ITFG1: variants seen among roughly 807,000 people sequenced by gnomAD.
ITFG1 encodes the protein integrin alpha FG-GAP repeat containing 1, also known as T-cell immunomodulatory protein.
In ITFG1, 34 loss-of-function variants were observed where a neutral mutation model predicts 81.8. That is an observed-to-expected ratio of 0.42 (90% confidence interval 0.32 to 0.55). The LOEUF (loss-of-function observed/expected upper bound fraction) is 0.55, where lower values mean the gene tolerates loss of function less well. Among genes scored for constraint, ITFG1 ranks in the 20% least tolerant of loss-of-function variants. The pLI, the probability that ITFG1 is intolerant of heterozygous loss-of-function variation, is 0.17. For missense variants in ITFG1, 672 were observed against 755.4 expected, an observed-to-expected ratio of 0.89 and a Z score of 1.29; for synonymous variants, 285 against 270.6, an observed-to-expected ratio of 1.05 and a Z score of -0.52.
intron 8 of ITFG1, among the ~76,000 whole-genome samples, chr16:47,357,910 G>A (rs533160482): frequency 1.1e-4 from 16 of 152,094 alleles, no homozygotes; most frequent in Non-Finnish European, 2.2e-4. Context: ...CAATCAAAAA[G>A]CATTCAAAAT....
chr16:47,357,614 CAAAAA>C (rs75054901), intron 8 of ITFG1, among the ~76,000 whole-genome samples: 1 of 61,130 alleles, frequency 1.6e-5, no homozygotes, highest in Non-Finnish European at 3.4e-5. Context: ...GACTCCGTCT[CAAAAA>C]AAAAAAAAAA....
intron 12 of ITFG1, among the ~76,000 whole-genome samples, chr16:47,244,812 G>A (rs751434205): frequency 2.0e-5 from 3 of 151,976 alleles, no homozygotes; most frequent in Non-Finnish European, 2.9e-5. Flanking sequence ...CTCCTAATAA[G>A]TGAGCTTGCT....
intron 14 of ITFG1, among the ~76,000 whole-genome samples, chr16:47,216,332 T>A (rs1460014812): frequency 6.6e-6 from 1 of 152,208 alleles, no homozygotes; most frequent in African/African-American, 2.4e-5. Context: ...TAGCTGGGAC[T>A]ACAGGCATGT....
chr16:47,189,006 C>T lies in ITFG1; in HGVS notation c.1454-26342G>A, dbSNP rs1313249915. On this transcript the variant is annotated intron_variant, in intron 14 of 17. Transcript: ENST00000320640. ...TCTTGAACTCCCAACCTCAGTGATC[C>T]ACCTGCCTCAGCCTTCTAAAGTGCT... Among the ~76,000 whole-genome samples the T allele has an allele frequency of 3.9e-5, 6 of 152,292 alleles. No homozygotes were observed. The East Asian group carries it at 1.2e-3, about 29-fold the overall frequency.
At chr16:47,456,385 C>T (rs1220484056) in intron 2 of ITFG1, among the ~76,000 whole-genome samples, 4 of 152,012 alleles carry the variant, frequency 2.6e-5, no homozygotes, top group African/African-American at 9.7e-5. Flanking sequence ...AATAAGCTAA[C>T]CAAACTTTTA....
At chr16:47,297,172 A>G (rs963790576) in intron 10 of ITFG1, among the ~76,000 whole-genome samples, 2 of 152,178 alleles carry the variant, frequency 1.3e-5, no homozygotes, top group African/African-American at 4.8e-5. Context: ...TCATTATAAA[A>G]TGACATTCTT....
At chr16:47,234,150 C>T (rs952024163) in intron 13 of ITFG1, among the ~76,000 whole-genome samples, 1 of 151,988 alleles carries the variant, frequency 6.6e-6, no homozygotes, top group African/African-American at 2.4e-5. Context: ...TCCGAAGAGA[C>T]AAAGGAAGTA....
At chr16:47,240,683 G>A (rs1166724343) in intron 12 of ITFG1, among the ~76,000 whole-genome samples, 1 of 152,014 alleles carries the variant, frequency 6.6e-6, no homozygotes, top group Admixed American at 6.6e-5. Flanking sequence ...AATAAAATAT[G>A]GTAAATACAT....
At chr16:47,238,156 A>G in intron 12 of ITFG1, 148 bp from the exon 13 acceptor site, 1 of 565,300 alleles carries the variant, frequency 1.8e-6, no homozygotes, top group Non-Finnish European at 3.1e-6. Context: ...TGAGCAAATT[A>G]AAGTTCTGTT....
In ITFG1 at chr16:47,311,473, G is replaced by A. The variant is rs575738983; in HGVS notation, c.898-61C>T. The stretch of plus-strand genomic sequence containing the variant: ...TATTTTATAAAAAAATTTATAATTT[G>A]CAAAACAAACGATCCATTAAGTTTT... On this transcript the variant is annotated intron_variant, in intron 9 of 17. Transcript: ENST00000320640. The A allele has an allele frequency of 2.3e-5, 30 of 1,314,574 alleles. No homozygotes were observed. In the East Asian group the frequency reaches 7.4e-4, roughly 32 times the overall value. The allele number at this position is 1,314,574 out of a possible 1,614,324, so 81.4% of individuals were successfully genotyped here. A position where few individuals can be genotyped will look rare whatever the true frequency, so the allele number is the denominator to read the frequency against.
intron 5 of ITFG1, among the ~76,000 whole-genome samples, chr16:47,434,650 A>G (rs1969142620): frequency 6.6e-6 from 1 of 152,224 alleles, no homozygotes; most frequent in Admixed American, 6.5e-5. Flanking sequence ...GTGATTCCTC[A>G]AAGACCGAGA....
At chr16:47,176,067 G>A (rs1246240999) in intron 14 of ITFG1, among the ~76,000 whole-genome samples, 7 of 152,192 alleles carry the variant, frequency 4.6e-5, no homozygotes, top group African/African-American at 1.4e-4. Context: ...GATCTTTAAT[G>A]AGGGACGCCA....
chr16:47,232,643 T>TTTTTTTC (rs1042302831), intron 13 of ITFG1, among the ~76,000 whole-genome samples: 3 of 151,868 alleles, frequency 2.0e-5, no homozygotes, highest in Non-Finnish European at 4.4e-5. Context: ...TCTTGTTTTT[T>TTTTTTTC]TTTTTTCTTT....
At chr16:47,415,620 A>G (rs756879966) in intron 6 of ITFG1, among the ~76,000 whole-genome samples, 18 of 152,228 alleles carry the variant, frequency 1.2e-4, no homozygotes, top group Admixed American at 1.0e-3. Context: ...AAGGAATTCC[A>G]TTTCAATAAT....
intron 10 of ITFG1, among the ~76,000 whole-genome samples, chr16:47,308,127 C>T (rs1393443179): frequency 1.3e-5 from 2 of 152,258 alleles, no homozygotes; most frequent in Middle Eastern, 3.4e-3. Flanking sequence ...TGTGTCTTTT[C>T]GGTAAAACAG....
At chr16:47,250,219 C>A (rs182877121) in intron 12 of ITFG1, among the ~76,000 whole-genome samples, 43 of 152,118 alleles carry the variant, frequency 2.8e-4, no homozygotes, top group Non-Finnish European at 1.8e-4. Context: ...GATTACCTAT[C>A]TTTCATTAAT....
chr16:47,162,648 T>C lies in ITFG1; in HGVS notation c.1470A>G (p.Gln490=), dbSNP rs373545125. ...LKNGSAGQLS[Q]SAHLALQLPY... ...GTAGTTGGAGAGCTAAATGTGCGGA[T>C]TGGCTGAGTTGGCCAGCTAGAGTTA... The change falls in exon 15 of 18, where the codon CAA becomes CAG. Residue 490 remains glutamine, a synonymous_variant. Coordinates refer to ENST00000320640, the MANE Select transcript of ITFG1 (RefSeq NM_030790.5). The C allele has an allele frequency of 2.0e-4, 319 of 1,602,210 alleles. No individual in the cohort carries two copies. Among genetic ancestry groups the C allele is most frequent in the Non-Finnish European group, 2.6e-4 (303 of 1,174,892 alleles).
chr16:47,408,827 G>A (rs1333149294), intron 6 of ITFG1, among the ~76,000 whole-genome samples: 1 of 152,124 alleles, frequency 6.6e-6, no homozygotes, highest in Non-Finnish European at 1.5e-5. Flanking sequence ...TTTAGTTTTA[G>A]GACCTCTTTA....
intron 5 of ITFG1, among the ~76,000 whole-genome samples, chr16:47,441,601 C>T (rs1363015533): frequency 6.6e-6 from 1 of 152,190 alleles, no homozygotes; most frequent in Non-Finnish European, 1.5e-5. Context: ...TCAATAGATG[C>T]AGAAAAGGCC....
Sources: gnomAD v4.1 joint callset for allele counts (sites outside exome capture counted in the v4.1 genomes callset) on GRCh38, gnomAD v4.1.1 for gene constraint, MANE v1.5 for transcripts, NCBI Gene and HGNC (gene_info 2026-07-23, HGNC 2026-07-21) for gene names.